The following RUNX2 variants were observed in gnomAD, a reference collection of about 807,000 sequenced individuals.
The protein encoded by RUNX2 is RUNX family transcription factor 2.
In RUNX2, 10 loss-of-function variants were observed where a neutral mutation model predicts 51.7. That is an observed-to-expected ratio of 0.19 (90% CI 0.12 to 0.33). RUNX2 has a LOEUF of 0.33. RUNX2 is among the 10% of genes least tolerant of loss of function. The pLI, the probability that RUNX2 is intolerant of heterozygous loss-of-function variation, is 1.00. For synonymous variants in RUNX2, 276 were observed against 273.6 expected (o/e 1.01, Z -0.09); for missense variants, 562 against 691.3 (o/e 0.81, Z 2.10).
At chr6:45,460,227 G>C (rs1799433624) in intron 5 of RUNX2, among the ~76,000 whole-genome samples, 1 of 152,186 alleles carries the variant, frequency 6.6e-6, no homozygotes, top group Non-Finnish European at 1.5e-5. Context: ...GGATTAGGAA[G>C]AGGAGCCAAT....
At chr6:45,452,191 G>A (rs1799192875) in intron 5 of RUNX2, among the ~76,000 whole-genome samples, 1 of 152,196 alleles carries the variant, frequency 6.6e-6, no homozygotes, top group South Asian at 2.1e-4. Flanking sequence ...CCTATGGGGA[G>A]AAATTAAAAA....
At chr6:45,332,981 C>G (rs1205189104) in intron 2 of RUNX2, among the ~76,000 whole-genome samples, 1 of 151,552 alleles carries the variant, frequency 6.6e-6, no homozygotes, top group African/African-American at 2.4e-5. Context: ...CCTCACCCCC[C>G]AAAAAATCAT....
chr6:45,440,090 T>A (rs558482330), intron 5 of RUNX2, among the ~76,000 whole-genome samples: 130 of 152,326 alleles, frequency 8.5e-4, no homozygotes, highest in African/African-American at 2.9e-3. Context: ...CTGCCCTAGA[T>A]AAGCCTGAGT....
intron 7 of RUNX2, 105 bp downstream of exon 7, chr6:45,512,512 G>C: frequency 8.1e-7 from 1 of 1,231,218 alleles, no homozygotes; most frequent in East Asian, 2.4e-5. Context: ...CTCTATTAGA[G>C]GCATGTGGGC....
chr6:45,355,498 C>T (rs1351666883), intron 2 of RUNX2, among the ~76,000 whole-genome samples: 1 of 151,932 alleles, frequency 6.6e-6, no homozygotes, highest in Admixed American at 6.6e-5. Context: ...TAAAATCCAC[C>T]AATACAGAAA....
At chr6:45,488,968 T>G (rs1263711632) in intron 5 of RUNX2, among the ~76,000 whole-genome samples, 1 of 152,216 alleles carries the variant, frequency 6.6e-6, no homozygotes, top group Non-Finnish European at 1.5e-5. Context: ...GTACACCTTC[T>G]TTCAGCCCAT....
chr6:45,479,254 G>T (rs746971713), intron 5 of RUNX2, among the ~76,000 whole-genome samples: 2 of 152,174 alleles, frequency 1.3e-5, no homozygotes, highest in African/African-American at 2.4e-5. Context: ...CTTCCAGATT[G>T]CATTACTTCT....
intron 2 of RUNX2, among the ~76,000 whole-genome samples, chr6:45,364,545 CTA>C (rs1794805511): frequency 6.6e-6 from 1 of 151,898 alleles, no homozygotes; most frequent in Admixed American, 6.6e-5. Context: ...TGAAAAACTA[CTA>C]TGTGTCAACA....
intron 2 of RUNX2, among the ~76,000 whole-genome samples, chr6:45,331,720 G>A (rs1300658134): frequency 6.6e-6 from 1 of 151,846 alleles, no homozygotes; most frequent in Non-Finnish European, 1.5e-5. Flanking sequence ...AGATCTGGCT[G>A]GTCTGTCTGA....
chr6:45,397,060 A>G (rs1797596683), intron 2 of RUNX2, among the ~76,000 whole-genome samples: 1 of 151,766 alleles, frequency 6.6e-6, no homozygotes, highest in South Asian at 2.1e-4. Flanking sequence ...TTGGGGATAA[A>G]CCTAAGAGTA....
intron 5 of RUNX2, among the ~76,000 whole-genome samples, chr6:45,451,178 T>C (rs1157829002): frequency 6.6e-6 from 1 of 151,962 alleles, no homozygotes; most frequent in Non-Finnish European, 1.5e-5. Context: ...GAAAGCAGGT[T>C]GAGAAAGACC....
At chr6:45,364,049 A>C (rs1745080702) in intron 2 of RUNX2, among the ~76,000 whole-genome samples, 1 of 151,882 alleles carries the variant, frequency 6.6e-6, no homozygotes, top group East Asian at 1.9e-4. Flanking sequence ...TAGGAAGTGA[A>C]GGTTGCAGTG....
At chr6:45,503,692 GTA>G (rs1182177457) in intron 6 of RUNX2, among the ~76,000 whole-genome samples, 2 of 152,166 alleles carry the variant, frequency 1.3e-5, no homozygotes, top group Non-Finnish European at 1.5e-5. Context: ...ATGACATGTG[GTA>G]TAGCCTCTTT....
At chr6:45,485,047 T>G (rs1360798583) in intron 5 of RUNX2, among the ~76,000 whole-genome samples, 1 of 152,166 alleles carries the variant, frequency 6.6e-6, no homozygotes, top group Non-Finnish European at 1.5e-5. Context: ...ATCACATACT[T>G]GGTGACAGCA....
intron 5 of RUNX2, among the ~76,000 whole-genome samples, chr6:45,479,603 T>C (rs1336344655): frequency 6.6e-6 from 1 of 152,190 alleles, no homozygotes; most frequent in African/African-American, 2.4e-5. Flanking sequence ...TGTACGTATA[T>C]GTGGAAAAGG....
chr6:45,330,330 G>A (rs767639978), intron 2 of RUNX2, among the ~76,000 whole-genome samples: 3 of 151,756 alleles, frequency 2.0e-5, no homozygotes, highest in African/African-American at 4.8e-5. Flanking sequence ...CTTATACATC[G>A]AAAGTTTTGT....
rs1277986976 is a variant in RUNX2, at chr6:45,506,567, T to C, written c.860-5679T>C. 2.0e-5 allele frequency among the ~76,000 whole-genome samples: 3 copies of C among 152,218 alleles called. No homozygotes were observed. In the East Asian group the frequency reaches 5.8e-4, roughly 29 times the overall value. Reference sequence around the variant, plus strand: ...TTCTCTAATATAGTAATTAAAATAATATTGATACTGTTTCTGAAGATTGCC... The same window carrying C: ...TTCTCTAATATAGTAATTAAAATAACATTGATACTGTTTCTGAAGATTGCC... On this transcript the variant is annotated intron_variant, in intron 6 of 8. Transcript: ENST00000647337.
intron 5 of RUNX2, among the ~76,000 whole-genome samples, chr6:45,465,735 A>C (rs1799610926): frequency 6.6e-6 from 1 of 150,970 alleles, no homozygotes; most frequent in Admixed American, 6.6e-5. Context: ...CTCTAGGCTC[A>C]GGTGATTCTC....
At chr6:45,340,302 A>G (rs1789485679) in intron 2 of RUNX2, among the ~76,000 whole-genome samples, 1 of 152,120 alleles carries the variant, frequency 6.6e-6, no homozygotes, top group South Asian at 2.1e-4. Flanking sequence ...ATATCAAGGA[A>G]TAAGATTAAG....
Sources: allele counts gnomAD v4.1 joint callset (sites outside exome capture counted in the v4.1 genomes callset), GRCh38; gene constraint gnomAD v4.1.1; transcripts MANE v1.5; gene names NCBI Gene and HGNC (gene_info 2026-07-23, HGNC 2026-07-21).